The following ROBO1 variants were observed in gnomAD, a reference collection of about 807,000 sequenced individuals.
ROBO1 encodes roundabout homolog 1.
A neutral mutation model predicts 195.9 loss-of-function variants in ROBO1; 149 were observed. That is an observed-to-expected ratio of 0.76 (90% CI 0.67 to 0.87). The LOEUF (loss-of-function observed/expected upper bound fraction) is 0.87. ROBO1 is among the 40% of genes least tolerant of loss of function. The pLI, the probability that ROBO1 is intolerant of heterozygous loss-of-function variation, is 0.00. For missense variants in ROBO1, 1,933 were observed against 2,068.3 expected (o/e 0.93, Z 1.27); for synonymous variants, 816 against 733.2 (o/e 1.11, Z -1.82).
rs564067883 is a variant in ROBO1 at position 79,168,717 on chromosome 3, GC to G, written c.89-43179del. Reference sequence around the variant, plus strand: ...CTTAGTTAGGCAACATTGACTCCATGCCCCCTGTATTTCAGGCACTGTTTTA... The same window carrying G: ...CTTAGTTAGGCAACATTGACTCCATGCCCCTGTATTTCAGGCACTGTTTTA... On this transcript the variant is annotated intron_variant, in intron 2 of 30. Transcript: ENST00000464233. Among the ~76,000 whole-genome samples the G allele has an allele frequency of 9.2e-5, 14 of 152,200 alleles. No homozygotes were observed. In the South Asian group the frequency reaches 2.5e-3, roughly 27 times the overall value.
intron 4 of ROBO1, among the ~76,000 whole-genome samples, chr3:78,865,008 G>C (rs1340758108): frequency 6.6e-6 from 1 of 152,020 alleles, no homozygotes; most frequent in East Asian, 1.9e-4. Flanking sequence ...TACTAAAACA[G>C]ACTTCTATTT....
intron 2 of ROBO1, among the ~76,000 whole-genome samples, chr3:79,342,935 G>A (rs1254489560): frequency 6.6e-6 from 1 of 152,044 alleles, no homozygotes; most frequent in African/African-American, 2.4e-5. Flanking sequence ...TATATAATAT[G>A]TATCTACCAC....
At chr3:79,018,912 TC>T (rs2078029318) in intron 3 of ROBO1, 1 of 988,522 alleles carries the variant, frequency 1.0e-6, no homozygotes, top group African/African-American at 1.7e-5. Flanking sequence ...AAAGTGCTTC[TC>T]CGTCTCCCGG....
intron 2 of ROBO1, among the ~76,000 whole-genome samples, chr3:79,430,012 C>CT (rs199835085): frequency 6.6e-6 from 1 of 151,568 alleles, no homozygotes; most frequent in Non-Finnish European, 1.5e-5. Flanking sequence ...CCTTTTTTAA[C>CT]TTTTTTATTG....
At chr3:79,653,134 C>T (rs1406694182) in intron 1 of ROBO1, among the ~76,000 whole-genome samples, 6 of 151,522 alleles carry the variant, frequency 4.0e-5, no homozygotes, top group African/African-American at 1.5e-4. Flanking sequence ...AAATAACTTA[C>T]TGGAGGATTA....
chr3:79,703,675 C>T (rs747241820), intron 1 of ROBO1, among the ~76,000 whole-genome samples: 4 of 151,858 alleles, frequency 2.6e-5, no homozygotes, highest in Non-Finnish European at 5.9e-5. Context: ...CTTATATGAA[C>T]TAACTTAAAC....
intron 2 of ROBO1, among the ~76,000 whole-genome samples, chr3:79,237,159 T>G (rs189173764): frequency 6.6e-6 from 1 of 152,090 alleles, no homozygotes; most frequent in Non-Finnish European, 1.5e-5. Flanking sequence ...ATGCTATTTA[T>G]TGGTGATAAT....
intron 3 of ROBO1, among the ~76,000 whole-genome samples, chr3:79,096,746 GTGTA>G (rs1213012792): frequency 3.3e-5 from 5 of 150,710 alleles, no homozygotes; most frequent in Non-Finnish European, 7.4e-5. Context: ...ATGTGTGTGT[GTGTA>G]TGTATATGTA....
At chr3:78,746,598 T>A in intron 5 of ROBO1, 145 bp downstream of exon 5, 1 of 555,800 alleles carries the variant, frequency 1.8e-6, no homozygotes. Flanking sequence ...AATTGAAATA[T>A]ATATTTTTTA....
At chr3:79,692,862 C>G (rs1027541947) in intron 1 of ROBO1, among the ~76,000 whole-genome samples, 3 of 151,746 alleles carry the variant, frequency 2.0e-5, no homozygotes, top group Admixed American at 6.6e-5. Context: ...TTTGCATATA[C>G]ATAATGAGTT....
At chr3:79,753,600 A>G (rs1406293670) in intron 1 of ROBO1, among the ~76,000 whole-genome samples, 3 of 152,186 alleles carry the variant, frequency 2.0e-5, no homozygotes, top group Non-Finnish European at 4.4e-5. Context: ...GCCAATTATT[A>G]TTATTAATAC....
intron 4 of ROBO1, among the ~76,000 whole-genome samples, chr3:78,909,831 T>C (rs1009183296): frequency 6.6e-6 from 1 of 151,758 alleles, no homozygotes; most frequent in Non-Finnish European, 1.5e-5. Flanking sequence ...TTTATGATCA[T>C]GAATTATGCA....
chr3:79,490,248 G>A (rs1221324449), intron 2 of ROBO1, among the ~76,000 whole-genome samples: 1 of 152,062 alleles, frequency 6.6e-6, no homozygotes, highest in South Asian at 2.1e-4. Flanking sequence ...CAAGGCACCC[G>A]TTGCCTGTCC....
intron 1 of ROBO1, among the ~76,000 whole-genome samples, chr3:79,731,708 A>C (rs1703154748): frequency 1.3e-5 from 2 of 152,218 alleles, no homozygotes; most frequent in Admixed American, 1.3e-4. Flanking sequence ...TGACATGAGA[A>C]TATAATACAG....
At chr3:79,384,984 T>C (rs1546037) in intron 2 of ROBO1, among the ~76,000 whole-genome samples, 90,502 of 151,832 alleles carry the variant, frequency 0.6, 27,225 homozygotes, top group African/African-American at 0.66. Context: ...ATTTCACTGA[T>C]AGAATATTTT....
intron 2 of ROBO1, among the ~76,000 whole-genome samples, chr3:79,135,464 G>T (rs183956467): frequency 1.4e-3 from 217 of 152,184 alleles, no homozygotes; most frequent in Non-Finnish European, 2.5e-3. Flanking sequence ...GAAGACTTGA[G>T]ATCCAGCTTA....
intron 3 of ROBO1, among the ~76,000 whole-genome samples, chr3:78,974,519 A>G (rs959655273): frequency 6.6e-6 from 1 of 152,160 alleles, no homozygotes; most frequent in Non-Finnish European, 1.5e-5. Context: ...CAATATACGA[A>G]AAAAAGAAAG....
chr3:78,842,755 C>T (rs932244345), intron 4 of ROBO1, among the ~76,000 whole-genome samples: 40 of 151,416 alleles, frequency 2.6e-4, no homozygotes, highest in African/African-American at 8.2e-4. Context: ...TCTTGCCTTG[C>T]TATTGGAGCA....
intron 4 of ROBO1, among the ~76,000 whole-genome samples, chr3:78,799,349 T>TG (rs1576187274): frequency 6.6e-6 from 1 of 152,052 alleles, no homozygotes; most frequent in South Asian, 2.1e-4. Context: ...TTTTGTTTTT[T>TG]GTTTTTTTTT....
Sources: gnomAD v4.1 joint callset for allele counts (sites outside exome capture counted in the v4.1 genomes callset) on GRCh38, gnomAD v4.1.1 for gene constraint, MANE v1.5 for transcripts, NCBI Gene and HGNC (gene_info 2026-07-23, HGNC 2026-07-21) for gene names.